The following SRGAP1 variants were observed in gnomAD, a reference collection of about 807,000 sequenced individuals.
SRGAP1 encodes SLIT-ROBO Rho GTPase activating protein 1.
In SRGAP1, 43 loss-of-function variants were observed where a neutral mutation model predicts 121.9. The ratio of observed to expected loss-of-function variants is 0.35; its 90% CI spans 0.28 to 0.46. The LOEUF is 0.46. SRGAP1 is among the 20% of genes least tolerant of loss of function. SRGAP1 has a pLI of 1.00. For missense variants in SRGAP1, 1,102 were observed against 1,350.9 expected, an observed-to-expected ratio of 0.82 and a Z score of 2.89; for synonymous variants, 447 against 485.4, an observed-to-expected ratio of 0.92 and a Z score of 1.04.
intron 1 of SRGAP1, among the ~76,000 whole-genome samples, chr12:63,932,195 G>A (rs2031500780): frequency 6.6e-6 from 1 of 152,106 alleles, no homozygotes; most frequent in Non-Finnish European, 1.5e-5. Flanking sequence ...GCAGGAGAAT[G>A]CCGTGAACCC....
chr12:63,946,362 T>A (rs2032047848), intron 1 of SRGAP1, among the ~76,000 whole-genome samples: 1 of 151,656 alleles, frequency 6.6e-6, no homozygotes, highest in Admixed American at 6.6e-5. Context: ...AGTGTACAAT[T>A]TGATGAGTTT....
At chr12:63,873,543 AAAAAG>A (rs1200403901) in intron 1 of SRGAP1, among the ~76,000 whole-genome samples, 213 of 151,974 alleles carry the variant, frequency 1.4e-3, no homozygotes, top group Admixed American at 3.3e-3. Context: ...CAAAAAAAAA[AAAAAG>A]AAAAGAAAAG....
intron 2 of SRGAP1, among the ~76,000 whole-genome samples, chr12:63,985,239 T>C (rs748831710): frequency 6.6e-6 from 1 of 151,994 alleles, no homozygotes; most frequent in Non-Finnish European, 1.5e-5. Context: ...GAGGAGGATA[T>C]TCCAGGCAAG....
At chr12:64,039,563 T>G (rs946167098) in intron 4 of SRGAP1, among the ~76,000 whole-genome samples, 1 of 151,772 alleles carries the variant, frequency 6.6e-6, no homozygotes, top group South Asian at 2.1e-4. Flanking sequence ...TTCATCCAAG[T>G]GTAATGAGAG....
intron 21 of SRGAP1, among the ~76,000 whole-genome samples, chr12:64,136,185 C>A (rs2036853436): frequency 6.6e-6 from 1 of 152,186 alleles, no homozygotes; most frequent in African/African-American, 2.4e-5. Context: ...TACTTCGCAT[C>A]CTTCAATCAA....
chr12:63,855,288 T>A lies in SRGAP1; in HGVS notation c.67+10405T>A, dbSNP rs568675703. 1.4e-4 allele frequency among the ~76,000 whole-genome samples: 22 copies of A among 152,178 alleles called. No individual in the cohort carries two copies. In the South Asian group the frequency reaches 3.7e-3, roughly 26 times the overall value. On this transcript the variant is annotated intron_variant, in intron 1 of 21. Transcript: ENST00000355086. ...TGTCCACGGTTTTCAAACCCAGCCC[T>A]TACTAGTACACATAATTTCCACTTA... is the stretch of plus-strand genomic sequence containing the variant.
At chr12:64,035,367 T>G (rs1456917778) in intron 4 of SRGAP1, among the ~76,000 whole-genome samples, 2 of 152,138 alleles carry the variant, frequency 1.3e-5, no homozygotes, top group African/African-American at 4.8e-5. Flanking sequence ...CCACTTCCTA[T>G]TTGTAGTGCA....
Position 64,155,032 on chromosome 12 carries a change from A to ATATTT in SRGAP1, c.*12362_*12366dup, listed in dbSNP as rs1286638431. On this transcript the variant is annotated 3_prime_UTR_variant, in exon 22 of 22. Coordinates refer to ENST00000355086, the MANE Select transcript of SRGAP1 (RefSeq NM_020762.4). ...AATAGTTAACATTTGTTAAATATATATATTTTTTTCTTTTTCTTTTTCTTT... is the reference window on the plus strand; with the variant it reads ...AATAGTTAACATTTGTTAAATATATATATTTTATTTTTTTCTTTTTCTTTTTCTTT... The ATATTT allele has an allele frequency of 6.6e-6, 1 of 152,062 alleles. No homozygotes were observed. Among genetic ancestry groups the ATATTT allele is most frequent in the African/African-American group, 2.4e-5 (1 of 41,420 alleles). 9.4% of individuals were successfully genotyped at this position (152,062 alleles called of 1,614,324 possible). A position where few individuals can be genotyped will look rare whatever the true frequency, so the allele number is the denominator to read the frequency against.
intron 3 of SRGAP1, among the ~76,000 whole-genome samples, chr12:63,995,992 C>G (rs966379672): frequency 1.3e-5 from 2 of 150,102 alleles, no homozygotes; most frequent in Non-Finnish European, 3.0e-5. Context: ...TACCACTTGA[C>G]TACAGATCTC....
intron 4 of SRGAP1, among the ~76,000 whole-genome samples, chr12:64,018,818 G>C (rs1304123989): frequency 6.6e-6 from 1 of 152,096 alleles, no homozygotes; most frequent in East Asian, 1.9e-4. Flanking sequence ...TATGTGATTT[G>C]TTAGCTTCTG....
chr12:64,102,827 G>A (rs1235510582), intron 15 of SRGAP1, among the ~76,000 whole-genome samples: 2 of 152,118 alleles, frequency 1.3e-5, no homozygotes, highest in East Asian at 1.9e-4. Flanking sequence ...ATCGTACCAA[G>A]TGACCACTAA....
intron 4 of SRGAP1, among the ~76,000 whole-genome samples, chr12:64,037,996 T>C (rs1435677808): frequency 1.3e-5 from 2 of 152,204 alleles, no homozygotes; most frequent in Non-Finnish European, 2.9e-5. Flanking sequence ...CTTTAGACTT[T>C]CCAAAGGTTA....
At chr12:63,972,638 G>T (rs2032988741) in intron 1 of SRGAP1, among the ~76,000 whole-genome samples, 1 of 152,128 alleles carries the variant, frequency 6.6e-6, no homozygotes, top group Non-Finnish European at 1.5e-5. Context: ...CTTGTTATTT[G>T]TATTCAAGGA....
chr12:63,976,169 C>G (rs1453840237), intron 1 of SRGAP1, among the ~76,000 whole-genome samples: 1 of 152,108 alleles, frequency 6.6e-6, no homozygotes, highest in Non-Finnish European at 1.5e-5. Flanking sequence ...AGTAAGGACG[C>G]CAGGTGGTTT....
chr12:63,913,480 T>TATATATATATATATATATATATATATGG (rs1439123798), intron 1 of SRGAP1, among the ~76,000 whole-genome samples: 136 of 108,458 alleles, frequency 1.3e-3, no homozygotes, highest in South Asian at 2.3e-3. Context: ...TATATATGGA[T>TATATATATATATATATATATATATATGG]ATATATATAT....
chr12:63,975,861 A>G (rs1165288969), intron 1 of SRGAP1, among the ~76,000 whole-genome samples: 1 of 152,236 alleles, frequency 6.6e-6, no homozygotes, highest in Non-Finnish European at 1.5e-5. Context: ...GAAAATATGG[A>G]TACCATTCAT....
Position 63,914,187 on chromosome 12 carries a change from TATC to T in SRGAP1, c.67+69307_67+69309del, listed in dbSNP as rs765087192. On this transcript the variant is annotated intron_variant, in intron 1 of 21. Coordinates refer to ENST00000355086, the MANE Select transcript of SRGAP1 (RefSeq NM_020762.4). ...ATCCCTCAGTCATTGTACTTATCAT[TATC>T]ATACTGTAATTAACGGTTTATGGTT... is the stretch of plus-strand genomic sequence containing the variant. Among the ~76,000 whole-genome samples, 119 of 152,352 alleles carry T rather than the reference TATC, an allele frequency of 7.8e-4. 1 individual carries two copies. Among genetic ancestry groups the T allele is most frequent in the Non-Finnish European group, 1.5e-3 (99 of 68,024 alleles).
chr12:63,958,906 A>T (rs372117737), intron 1 of SRGAP1, among the ~76,000 whole-genome samples: 42 of 152,314 alleles, frequency 2.8e-4, no homozygotes, highest in African/African-American at 9.9e-4. Flanking sequence ...CCATTTATGT[A>T]AAGCATTTAT....
chr12:64,160,448 C>T lies in SRGAP1; in HGVS notation c.*17776C>T, dbSNP rs2037200830. ...AGGAAAGGAGGAAAAATATGTCCTC[C>T]TAGTAATTCCCAGTGTAAGTGGAAA... On this transcript the variant is annotated 3_prime_UTR_variant, in exon 22 of 22. Transcript: ENST00000355086. 1 of 152,150 alleles carries T rather than the reference C, an allele frequency of 6.6e-6. No individual in the cohort carries two copies. The highest frequency in any genetic ancestry group is 6.6e-5 in the Admixed American group (1 of 15,266). 9.4% of individuals were successfully genotyped at this position (152,150 alleles called of 1,614,324 possible).
Sources: allele counts gnomAD v4.1 joint callset (sites outside exome capture counted in the v4.1 genomes callset), GRCh38; gene constraint gnomAD v4.1.1; transcripts MANE v1.5; gene names NCBI Gene and HGNC (gene_info 2026-07-23, HGNC 2026-07-21).